TNNI3K: variants seen among roughly 807,000 people sequenced by gnomAD.
TNNI3K encodes TNNI3 interacting kinase, also known as serine/threonine-protein kinase TNNI3K.
TNNI3K carries 140 observed loss-of-function variants against 114.5 expected under a neutral mutation model. The ratio of observed to expected loss-of-function variants is 1.22; its 90% CI spans 1.07 to 1.41. The LOEUF (loss-of-function observed/expected upper bound fraction) is 1.41. TNNI3K is among the 40% of genes most tolerant of loss of function. The pLI is 0.00. For missense variants in TNNI3K, 1,125 were observed against 1,007.6 expected, an observed-to-expected ratio of 1.12 and a Z score of -1.58; for synonymous variants, 347 against 347.5, an observed-to-expected ratio of 1.00 and a Z score of 0.02.
chr1:74,538,082 A>G (rs958197927), intron 23 of TNNI3K, among the ~76,000 whole-genome samples: 1 of 152,148 alleles, frequency 6.6e-6, no homozygotes, highest in Admixed American at 6.6e-5. Context: ...GTAGCACTAT[A>G]CTGCTTCCTG....
At chr1:74,286,956 T>G (rs1166264705) in intron 5 of TNNI3K, among the ~76,000 whole-genome samples, 1 of 152,024 alleles carries the variant, frequency 6.6e-6, no homozygotes, top group African/African-American at 2.4e-5. Flanking sequence ...AGGCTCAATG[T>G]GCTCCAAGAG....
Position 74,425,477 on chromosome 1 carries a change from G to A in TNNI3K, c.1773-10603G>A, listed in dbSNP as rs1047645316. Among the ~76,000 whole-genome samples the A allele has an allele frequency of 7.9e-5, 12 of 152,134 alleles. No homozygotes were observed. The South Asian group carries it at 8.3e-4, about 11-fold the overall frequency. Reference sequence around the variant, plus strand: ...ATAACAATTTGGTCTGATAACTAACGAATTCAATTCTAGGGAAAGTTACTG... The same window carrying A: ...ATAACAATTTGGTCTGATAACTAACAAATTCAATTCTAGGGAAAGTTACTG... On this transcript the variant is annotated intron_variant, in intron 17 of 24. Coordinates refer to ENST00000326637, the MANE Select transcript of TNNI3K (RefSeq NM_015978.3).
At chr1:74,418,120 A>C (rs1327790926) in intron 17 of TNNI3K, 1 of 447,944 alleles carries the variant, frequency 2.2e-6, no homozygotes, top group African/African-American at 2.0e-5. Flanking sequence ...GACTGTGGGA[A>C]GTCTTCCTAA....
intron 21 of TNNI3K, among the ~76,000 whole-genome samples, chr1:74,486,201 A>AAGAGAGAGAGAGAGAGAGAGAG (rs58506314): frequency 8.0e-4 from 109 of 136,506 alleles, no homozygotes; most frequent in African/African-American, 1.6e-3. Flanking sequence ...AAATGCTATA[A>AAGAGAGAGAGAGAGAGAGAGAG]AGAGAGAGAG....
chr1:74,464,692 A>C, intron 21 of TNNI3K: 2 of 1,595,070 alleles, frequency 1.3e-6, no homozygotes, highest in Non-Finnish European at 1.7e-6. Context: ...AACTCTTAAG[A>C]AGAAAAATGA....
At chr1:74,241,143 G>T (rs1654176014) in intron 2 of TNNI3K, among the ~76,000 whole-genome samples, 1 of 152,170 alleles carries the variant, frequency 6.6e-6, no homozygotes, top group Non-Finnish European at 1.5e-5. Flanking sequence ...TGGTGTATAT[G>T]TGCCACATTT....
At position 74,342,971 on chromosome 1, in the gene TNNI3K, A is replaced by G; in HGVS notation, c.812A>G (p.Asp271Gly). Residue 271 changes from aspartate to glycine, a missense_variant, in exon 8 of 25, where the codon GAT becomes GGT. Physicochemically the swap from Asp to Gly is moderately conservative, Grantham distance 94 (BLOSUM62 -1). Transcript: ENST00000326637. ...CCTCATGTTGTTAATATCTATGGAGATACCCCCTTACACCTGTGAGTATTA... is the reference window on the plus strand; with the variant it reads ...CCTCATGTTGTTAATATCTATGGAGGTACCCCCTTACACCTGTGAGTATTA... ...VQPHVVNIYGDTPLHLACYNG... is the reference protein window; with the variant it reads ...VQPHVVNIYGGTPLHLACYNG... 1 of 1,613,860 alleles carries G rather than the reference A, an allele frequency of 6.2e-7. No individual in the cohort carries two copies. The highest frequency in any genetic ancestry group is 8.5e-7 in the Non-Finnish European group (1 of 1,179,886).
chr1:74,295,999 G>T (rs1657957152), intron 5 of TNNI3K, among the ~76,000 whole-genome samples: 1 of 151,990 alleles, frequency 6.6e-6, no homozygotes, highest in Non-Finnish European at 1.5e-5. Context: ...ATTTGGGCCG[G>T]GCGCCATGGC....
At chr1:74,520,358 A>T (rs1302003497) in intron 23 of TNNI3K, among the ~76,000 whole-genome samples, 1 of 152,128 alleles carries the variant, frequency 6.6e-6, no homozygotes, top group Non-Finnish European at 1.5e-5. Flanking sequence ...AGAATTTGAG[A>T]CTACTTCGCG....
chr1:74,517,623 A>C (rs1646368030), intron 23 of TNNI3K, among the ~76,000 whole-genome samples: 1 of 152,214 alleles, frequency 6.6e-6, no homozygotes, highest in African/African-American at 2.4e-5. Context: ...TGCTATGTCC[A>C]ACTCACAGTG....
chr1:74,265,194 G>A (rs972117463), intron 4 of TNNI3K, among the ~76,000 whole-genome samples: 1 of 152,076 alleles, frequency 6.6e-6, no homozygotes, highest in African/African-American at 2.4e-5. Context: ...AGCATTCTCT[G>A]AAAAGAATGT....
At chr1:74,238,179 T>C (rs1028529246) in intron 2 of TNNI3K, among the ~76,000 whole-genome samples, 1 of 152,072 alleles carries the variant, frequency 6.6e-6, no homozygotes, top group African/African-American at 2.4e-5. Context: ...GTCTTCACCA[T>C]ATTATCTGAC....
intron 20 of TNNI3K, among the ~76,000 whole-genome samples, chr1:74,453,000 T>C (rs974182241): frequency 6.6e-6 from 1 of 152,198 alleles, no homozygotes; most frequent in African/African-American, 2.4e-5. Context: ...TTCTTAATTC[T>C]CCAATATCAA....
chr1:74,364,722 G>A (rs898674744), intron 11 of TNNI3K, among the ~76,000 whole-genome samples: 2 of 151,916 alleles, frequency 1.3e-5, no homozygotes, highest in Non-Finnish European at 2.9e-5. Context: ...AGAAGCAGAG[G>A]TCAGAGCAAT....
At position 74,354,938 on chromosome 1, in the gene TNNI3K, C is replaced by T. The variant is rs540529563; in HGVS notation, c.1177+809C>T. 6.6e-5 allele frequency among the ~76,000 whole-genome samples: 10 copies of T among 152,262 alleles called. No individual in the cohort carries two copies. The South Asian group carries it at 2.1e-3, about 32-fold the overall frequency. On this transcript the variant is annotated intron_variant, in intron 11 of 24. Coordinates refer to ENST00000326637, the MANE Select transcript of TNNI3K (RefSeq NM_015978.3). ...ATTCATCATTTCAAGGGAGAAGTAA[C>T]TGAAGACATTCAGATGGTGAAAAGC...
rs201120366 is a variant in TNNI3K at position 74,544,033 on chromosome 1, C to T, written c.*51C>T. The T allele has an allele frequency of 4.2e-5, 67 of 1,577,636 alleles. No homozygotes were observed. In the East Asian group the frequency reaches 6.0e-4, roughly 14 times the overall value. ...AGTTTTTTCCCCGAACTGACAGCAA[C>T]GATTCCAACCACGGCAAGCTGGCTT... On this transcript the variant is annotated 3_prime_UTR_variant, in exon 25 of 25. Coordinates refer to ENST00000326637, the MANE Select transcript of TNNI3K (RefSeq NM_015978.3).
At chr1:74,351,326 C>T (rs1001936171) in intron 9 of TNNI3K, among the ~76,000 whole-genome samples, 45 of 151,162 alleles carry the variant, frequency 3.0e-4, no homozygotes, top group Admixed American at 9.9e-4. Flanking sequence ...GAGTTTCTGC[C>T]GAGAGATCTG....
chr1:74,284,200 C>G (rs1657188903), intron 5 of TNNI3K, among the ~76,000 whole-genome samples: 2 of 152,124 alleles, frequency 1.3e-5, no homozygotes, highest in Non-Finnish European at 2.9e-5. Flanking sequence ...ATGATTCATC[C>G]TGGGATGGTG....
intron 23 of TNNI3K, among the ~76,000 whole-genome samples, chr1:74,534,990 G>A (rs1311037852): frequency 4.2e-4 from 64 of 152,180 alleles, no homozygotes. Context: ...AGCACACTGA[G>A]TAGCAGTGGT....
Sources: gnomAD v4.1 joint callset for allele counts (sites outside exome capture counted in the v4.1 genomes callset) on GRCh38, gnomAD v4.1.1 for gene constraint, MANE v1.5 for transcripts, NCBI Gene and HGNC (gene_info 2026-07-23, HGNC 2026-07-21) for gene names.